DCC: variants seen among roughly 807,000 people sequenced by gnomAD.
The protein encoded by DCC is netrin receptor DCC.
A neutral mutation model predicts 172.5 loss-of-function variants in DCC; 58 were observed. The observed-to-expected ratio is 0.34, with a 90% CI of 0.27 to 0.42. The LOEUF (loss-of-function observed/expected upper bound fraction) is 0.42. DCC is among the 10% of genes least tolerant of loss of function. DCC has a pLI of 1.00. For synonymous variants in DCC, 709 were observed against 644.5 expected (o/e 1.10, Z -1.52); for missense variants, 1,740 against 1,791.0 (o/e 0.97, Z 0.51).
intron 7 of DCC, among the ~76,000 whole-genome samples, chr18:53,081,866 C>A (rs775776530): frequency 6.6e-6 from 1 of 152,056 alleles, no homozygotes; most frequent in Non-Finnish European, 1.5e-5. Context: ...CATAACTATT[C>A]TTTCCCTTGA....
chr18:52,588,959 C>T (rs2033739540), intron 1 of DCC, among the ~76,000 whole-genome samples: 1 of 151,932 alleles, frequency 6.6e-6, no homozygotes, highest in African/African-American at 2.4e-5. Context: ...ATATTTGCCT[C>T]ATCTTTATGG....
chr18:52,700,289 T>C (rs59278389), intron 1 of DCC, among the ~76,000 whole-genome samples: 117,034 of 139,636 alleles, frequency 0.84, 47,300 homozygotes, highest in Admixed American at 0.88. Flanking sequence ...TGCACACACA[T>C]GCACATCCAC....
At chr18:52,589,764 A>G (rs1021043856) in intron 1 of DCC, among the ~76,000 whole-genome samples, 5 of 152,216 alleles carry the variant, frequency 3.3e-5, no homozygotes, top group African/African-American at 1.2e-4. Context: ...TGTCTTAGGG[A>G]AAACAGAGAA....
rs761378185 is a variant in DCC at position 53,533,648 on chromosome 18, A to G, written c.*2995A>G. Reference sequence around the variant, plus strand: ...AAAGTTAAATATTTCGTAGTGAATCATAGCCAATAAGAAACCAGTCATACT... The same window carrying G: ...AAAGTTAAATATTTCGTAGTGAATCGTAGCCAATAAGAAACCAGTCATACT... On this transcript the variant is annotated 3_prime_UTR_variant, in exon 29 of 29. Coordinates refer to ENST00000442544, the MANE Select transcript of DCC (RefSeq NM_005215.4). 1 of 152,214 alleles carries G rather than the reference A, an allele frequency of 6.6e-6. No individual in the cohort carries two copies. The highest frequency in any genetic ancestry group is 1.5e-5 in the Non-Finnish European group (1 of 68,038). The allele number at this position is 152,214 out of a possible 1,614,324, so 9.4% of individuals were successfully genotyped here.
intron 3 of DCC, among the ~76,000 whole-genome samples, chr18:52,919,954 T>C (rs2040094967): frequency 2.2e-5 from 3 of 135,792 alleles, no homozygotes; most frequent in Non-Finnish European, 4.6e-5. Context: ...TTGAGCAAAA[T>C]CAAGTCAGTG....
At chr18:53,013,698 T>TAA (rs772056355) in intron 5 of DCC, among the ~76,000 whole-genome samples, 8 of 135,968 alleles carry the variant, frequency 5.9e-5, no homozygotes, top group South Asian at 2.4e-4. Flanking sequence ...TCCCAGAACT[T>TAA]AAAAAAAAAA....
At position 52,678,937 on chromosome 18, in the gene DCC, G is replaced by A. The variant is rs142704247; in HGVS notation, c.92-73117G>A. ...GATTCACATACTCCTCTTCATTTCCGATAGTAACCTCCTCACTTCCACACT... is the reference window on the plus strand; with the variant it reads ...GATTCACATACTCCTCTTCATTTCCAATAGTAACCTCCTCACTTCCACACT... On this transcript the variant is annotated intron_variant, in intron 1 of 28. Transcript: ENST00000442544. Among the ~76,000 whole-genome samples the A allele has an allele frequency of 9.9e-5, 15 of 151,782 alleles. No individual in the cohort carries two copies. The East Asian group carries it at 1.2e-3, about 12-fold the overall frequency.
At chr18:53,435,913 A>T (rs545052080) in intron 22 of DCC, among the ~76,000 whole-genome samples, 1 of 152,172 alleles carries the variant, frequency 6.6e-6, no homozygotes, top group African/African-American at 2.4e-5. Context: ...CAGGGGACTA[A>T]TGTATGTATG....
rs556486570 is a variant in DCC at position 53,450,305 on chromosome 18, A to T, written c.3230-195A>T. 2.0e-5 allele frequency among the ~76,000 whole-genome samples: 3 copies of T among 152,206 alleles called. No individual in the cohort carries two copies. The East Asian group carries it at 5.8e-4, about 29-fold the overall frequency. On this transcript the variant is annotated intron_variant, in intron 22 of 28. Transcript: ENST00000442544. ...CGTTTCTCTATAAGGTTTTTTGTGC[A>T]GGCATAGGTTTTTATTTATATTGTG...
chr18:53,014,595 T>C (rs1284748099), intron 5 of DCC, among the ~76,000 whole-genome samples: 2 of 152,002 alleles, frequency 1.3e-5, no homozygotes, highest in Non-Finnish European at 2.9e-5. Flanking sequence ...TAATTATTTA[T>C]GTTCTTCCAA....
chr18:53,418,740 C>G (rs1910462376), intron 21 of DCC, among the ~76,000 whole-genome samples: 1 of 152,150 alleles, frequency 6.6e-6, no homozygotes, highest in Non-Finnish European at 1.5e-5. Flanking sequence ...GATTGAAGAT[C>G]TGCCATGAAG....
At chr18:53,431,414 A>G (rs1328536348) in intron 21 of DCC, among the ~76,000 whole-genome samples, 1 of 152,082 alleles carries the variant, frequency 6.6e-6, no homozygotes, top group African/African-American at 2.4e-5. Context: ...ATAGTAATCC[A>G]ATACAGAATT....
intron 7 of DCC, among the ~76,000 whole-genome samples, chr18:53,097,001 G>C (rs565747499): frequency 6.6e-6 from 1 of 152,118 alleles, no homozygotes; most frequent in African/African-American, 2.4e-5. Context: ...AGGAAGAAAA[G>C]ATGAAACAAA....
chr18:53,333,738 T>C (rs1271571859), intron 14 of DCC, among the ~76,000 whole-genome samples: 2 of 152,306 alleles, frequency 1.3e-5, no homozygotes, highest in South Asian at 2.1e-4. Flanking sequence ...AGCAGAGCAA[T>C]AACATGATCT....
chr18:53,272,245 A>T (rs1229373485), intron 12 of DCC, among the ~76,000 whole-genome samples: 1 of 152,178 alleles, frequency 6.6e-6, no homozygotes, highest in African/African-American at 2.4e-5. Context: ...GGGAATTCTG[A>T]AAGTAGAATA....
intron 1 of DCC, among the ~76,000 whole-genome samples, chr18:52,375,565 A>G (rs1985313187): frequency 1.3e-5 from 2 of 152,338 alleles, no homozygotes; most frequent in South Asian, 2.1e-4. Flanking sequence ...CAGAAGTATC[A>G]TGTCTCCGTG....
chr18:52,474,595 A>C (rs184828380), intron 1 of DCC, among the ~76,000 whole-genome samples: 10 of 152,196 alleles, frequency 6.6e-5, no homozygotes, highest in African/African-American at 1.2e-4. Flanking sequence ...TTGTGACTTC[A>C]TCTGTCCCTG....
At chr18:53,186,588 A>C (rs2055285466) in intron 9 of DCC, among the ~76,000 whole-genome samples, 1 of 152,002 alleles carries the variant, frequency 6.6e-6, no homozygotes, top group Non-Finnish European at 1.5e-5. Context: ...GTATTGAAGC[A>C]CTCCCTCATC....
intron 1 of DCC, among the ~76,000 whole-genome samples, chr18:52,626,859 A>G (rs1349951485): frequency 6.6e-6 from 1 of 152,216 alleles, no homozygotes. Context: ...TTAGATGCAT[A>G]TATGATACTA....
Sources: allele counts gnomAD v4.1 joint callset (sites outside exome capture counted in the v4.1 genomes callset), GRCh38; gene constraint gnomAD v4.1.1; transcripts MANE v1.5; gene names NCBI Gene and HGNC (gene_info 2026-07-23, HGNC 2026-07-21).